AKAP6: variants seen among roughly 807,000 people sequenced by gnomAD.
The protein encoded by AKAP6 is A-kinase anchor protein 6.
A neutral mutation model predicts 188.5 loss-of-function variants in AKAP6; 58 were observed. That is an observed-to-expected ratio of 0.31 (90% confidence interval 0.25 to 0.38). The LOEUF (loss-of-function observed/expected upper bound fraction) is 0.38, where lower values mean the gene tolerates loss of function less well. Ranked by LOEUF, AKAP6 falls within the 10% of genes least tolerant of loss-of-function variation. The probability of loss-of-function intolerance (pLI) is 1.00; values close to 1 mark genes in which losing one functional copy is unlikely to be tolerated. For missense variants in AKAP6, 2,710 were observed against 2,740.0 expected (o/e 0.99, Z 0.24); for synonymous variants, 989 against 998.6 (o/e 0.99, Z 0.18).
chr14:32,705,475 A>G (rs1409153719), intron 9 of AKAP6, among the ~76,000 whole-genome samples: 1 of 152,182 alleles, frequency 6.6e-6, no homozygotes, highest in Non-Finnish European at 1.5e-5. Context: ...TTTTTCTGGT[A>G]TTGAGATGGG....
At position 32,732,797 on chromosome 14, in the gene AKAP6, G is replaced by C. The variant is rs2031242739; in HGVS notation, c.3147+197G>C. ...GTTGATTTTTTTTTTTTCTGAGCTT[G>C]TCCCCTCTCAGATTTTAATAATTTT... On this transcript the variant is annotated intron_variant, in intron 10 of 13. Coordinates refer to ENST00000280979, the MANE Select transcript of AKAP6 (RefSeq NM_004274.5). 7.7e-6 allele frequency: 5 copies of C among 646,492 alleles called. No individual in the cohort carries two copies. In the Admixed American group the frequency reaches 1.2e-4, roughly 16 times the overall value. The allele number at this position is 646,492 out of a possible 1,614,324, so 40.0% of individuals were successfully genotyped here. A position where few individuals can be genotyped will look rare whatever the true frequency, so the allele number is the denominator to read the frequency against.
chr14:32,743,562 T>C (rs971348255), intron 11 of AKAP6, among the ~76,000 whole-genome samples: 13 of 152,288 alleles, frequency 8.5e-5, no homozygotes, highest in East Asian at 5.8e-4. Context: ...GAGGTTACCA[T>C]GAGGCTTGGA....
chr14:32,367,968 T>C (rs1428343763), intron 1 of AKAP6, among the ~76,000 whole-genome samples: 1 of 152,218 alleles, frequency 6.6e-6, no homozygotes, highest in African/African-American at 2.4e-5. Flanking sequence ...CTTCAGGTAG[T>C]TTTGACTGCT....
At chr14:32,436,010 C>T (rs61981136) in intron 2 of AKAP6, among the ~76,000 whole-genome samples, 1 of 151,982 alleles carries the variant, frequency 6.6e-6, no homozygotes, top group Non-Finnish European at 1.5e-5. Context: ...TAAGAATAAA[C>T]GGGAACTTGG....
rs138268995 is a variant in AKAP6 at position 32,519,136 on chromosome 14, G to T, written c.325-16418G>T. Reference sequence around the variant, plus strand: ...GAGAAATAAAATCCTTTACAGACAAGCAAATGCTGAGAGATTTTGTCACCA... The same window carrying T: ...GAGAAATAAAATCCTTTACAGACAATCAAATGCTGAGAGATTTTGTCACCA... On this transcript the variant is annotated intron_variant, in intron 2 of 13. Transcript: ENST00000280979. Among the ~76,000 whole-genome samples, 1,447 of 152,226 alleles carry T rather than the reference G, an allele frequency of 9.5e-3. 16 individuals are homozygous for T. Among genetic ancestry groups the T allele is most frequent in the African/African-American group, 0.033 (1,381 of 41,548 alleles).
chr14:32,768,770 T>C (rs1594927450), intron 11 of AKAP6, among the ~76,000 whole-genome samples: 1 of 152,284 alleles, frequency 6.6e-6, no homozygotes, highest in East Asian at 1.9e-4. Context: ...TTAGCATGTA[T>C]TGGAATCACC....
At chr14:32,648,146 G>A (rs1888059641) in intron 7 of AKAP6, among the ~76,000 whole-genome samples, 1 of 152,074 alleles carries the variant, frequency 6.6e-6, no homozygotes, top group African/African-American at 2.4e-5. Flanking sequence ...GCAATTTCCA[G>A]CTATGCATTA....
intron 2 of AKAP6, among the ~76,000 whole-genome samples, chr14:32,503,246 T>C (rs959310490): frequency 2.0e-5 from 3 of 152,138 alleles, no homozygotes; most frequent in African/African-American, 7.2e-5. Context: ...ACTGTGCTCA[T>C]ATCCTTTCCC....
intron 2 of AKAP6, among the ~76,000 whole-genome samples, chr14:32,511,027 T>C (rs1302982723): frequency 1.3e-5 from 2 of 152,224 alleles, no homozygotes; most frequent in Non-Finnish European, 2.9e-5. Flanking sequence ...TAGAACATTG[T>C]TGACATTTGT....
At chr14:32,731,188 G>A (rs2031157946) in intron 9 of AKAP6, among the ~76,000 whole-genome samples, 1 of 152,278 alleles carries the variant, frequency 6.6e-6, no homozygotes, top group South Asian at 2.1e-4. Context: ...TGATGTGCAT[G>A]TTTAGTGTAA....
chr14:32,346,474 G>T (rs1887069282), intron 1 of AKAP6, among the ~76,000 whole-genome samples: 1 of 152,118 alleles, frequency 6.6e-6, no homozygotes, highest in Admixed American at 6.5e-5. Flanking sequence ...AACTCTGTGG[G>T]ATATGAAGGA....
chr14:32,497,266 G>A lies in AKAP6; in HGVS notation c.325-38288G>A, dbSNP rs941141067. Among the ~76,000 whole-genome samples, 14 of 152,076 alleles carry A rather than the reference G, an allele frequency of 9.2e-5. 1 individual carries two copies. Among genetic ancestry groups the A allele is most frequent in the Admixed American group, 8.5e-4 (13 of 15,240 alleles). Reference sequence around the variant, plus strand: ...CCTCATGTTTATATAGGTGTTTGGTGCTATAAATTATCTCCTAAGTCCTGC... The same window carrying A: ...CCTCATGTTTATATAGGTGTTTGGTACTATAAATTATCTCCTAAGTCCTGC... On this transcript the variant is annotated intron_variant, in intron 2 of 13. Coordinates refer to ENST00000280979, the MANE Select transcript of AKAP6 (RefSeq NM_004274.5).
At chr14:32,440,093 T>C (rs968001558) in intron 2 of AKAP6, among the ~76,000 whole-genome samples, 1 of 152,196 alleles carries the variant, frequency 6.6e-6, no homozygotes, top group Non-Finnish European at 1.5e-5. Flanking sequence ...AAGTGCTATG[T>C]TGTAAAATTT....
intron 12 of AKAP6, among the ~76,000 whole-genome samples, chr14:32,789,402 T>C (rs763458430): frequency 6.6e-6 from 1 of 152,248 alleles, no homozygotes. Context: ...AGTAGATCCC[T>C]GATCCCATTC....
rs561006109 is a variant in AKAP6, at chr14:32,529,939, A to G, written c.325-5615A>G. Among the ~76,000 whole-genome samples, 7 of 142,002 alleles carry G rather than the reference A, an allele frequency of 4.9e-5. No homozygotes were observed. The South Asian group carries it at 1.4e-3, about 29-fold the overall frequency. 93.2% of individuals were successfully genotyped at this position (142,002 alleles called of 152,430 possible). A position where few individuals can be genotyped will look rare whatever the true frequency, so the allele number is the denominator to read the frequency against. On this transcript the variant is annotated intron_variant, in intron 2 of 13. Transcript: ENST00000280979. The stretch of plus-strand genomic sequence containing the variant: ...CTTTCTGTAATAAACACATACACAT[A>G]TGGTGAACATATGGGTAAAGAAACT...
intron 1 of AKAP6, among the ~76,000 whole-genome samples, chr14:32,364,292 A>G (rs1566465487): frequency 2.6e-5 from 4 of 152,204 alleles, no homozygotes; most frequent in Non-Finnish European, 5.9e-5. Context: ...TTTTCTAGCT[A>G]TTGATACAGA....
chr14:32,754,682 A>T (rs1169311147), intron 11 of AKAP6, among the ~76,000 whole-genome samples: 2 of 152,144 alleles, frequency 1.3e-5, no homozygotes, highest in Non-Finnish European at 2.9e-5. Flanking sequence ...AGGCAGGTTT[A>T]GTGGTGATGA....
intron 2 of AKAP6, among the ~76,000 whole-genome samples, chr14:32,471,249 A>G (rs927184529): frequency 6.6e-6 from 1 of 152,246 alleles, no homozygotes; most frequent in Non-Finnish European, 1.5e-5. Context: ...CTCCATAATC[A>G]TAAAATGTAC....
intron 1 of AKAP6, among the ~76,000 whole-genome samples, chr14:32,382,787 C>A (rs970431397): frequency 3.3e-5 from 5 of 151,938 alleles, no homozygotes; most frequent in Non-Finnish European, 7.4e-5. Context: ...GAAACTGTAC[C>A]AATAGGAGTA....
Sources: allele counts gnomAD v4.1 joint callset (sites outside exome capture counted in the v4.1 genomes callset), GRCh38; gene constraint gnomAD v4.1.1; transcripts MANE v1.5; gene names NCBI Gene and HGNC (gene_info 2026-07-23, HGNC 2026-07-21).